Variants in HDX observed in about 807,000 individuals in gnomAD.
HDX encodes highly divergent homeobox.
HDX carries 19 observed loss-of-function variants against 45.2 expected under a neutral mutation model. That is an observed-to-expected ratio of 0.42 (90% CI 0.29 to 0.62). HDX has a LOEUF of 0.62. HDX is among the 20% of genes least tolerant of loss of function. HDX has a pLI of 0.20. For missense variants in HDX, 532 were observed against 493.9 expected (o/e 1.08, Z -0.73); for synonymous variants, 188 against 172.8 (o/e 1.09, Z -0.69).
chrX:84,333,883 A>G, intron 8 of HDX, 41 bp from the exon 9 acceptor site: 1 of 549,449 alleles, frequency 1.8e-6, no homozygotes, highest in Non-Finnish European at 3.1e-6. Flanking sequence ...ATATCACATC[A>G]TTCTTACTAC....
At chrX:84,452,948 A>G (rs1453918828) in intron 4 of HDX, among the ~76,000 whole-genome samples, 3 of 112,338 alleles carry the variant, frequency 2.7e-5, no homozygotes, top group African/African-American at 9.7e-5. Context: ...AGAAAAGGCA[A>G]CAAAAACAAA....
At chrX:84,469,646 G>A in intron 3 of HDX, 71 bp from the exon 4 acceptor site, 1 of 863,425 alleles carries the variant, frequency 1.2e-6, no homozygotes, top group Non-Finnish European at 1.6e-6. Context: ...ATTTTACGTG[G>A]TACATTATAT....
chrX:84,441,631 G>T (rs2039763236), intron 4 of HDX, among the ~76,000 whole-genome samples: 1 of 111,607 alleles, frequency 9.0e-6, no homozygotes, highest in Admixed American at 9.5e-5. Context: ...AAATGTGTTT[G>T]ATAAAATTTG....
In HDX at chrX:84,482,571, A is replaced by C. The variant is rs143077038; in HGVS notation, c.-1+5453T>G. 4.5e-5 allele frequency among the ~76,000 whole-genome samples: 5 copies of C among 111,726 alleles called. No homozygotes were observed. The East Asian group carries it at 1.4e-3, about 32-fold the overall frequency. On this transcript the variant is annotated intron_variant, in intron 2 of 10. Coordinates refer to ENST00000373177, the MANE Select transcript of HDX (RefSeq NM_001177479.2). The stretch of plus-strand genomic sequence containing the variant: ...TCATAAGAATAGCATGGGAGAAACT[A>C]GCCCCATGAGTCAATTATTTCCCAC...
intron 3 of HDX, among the ~76,000 whole-genome samples, chrX:84,474,185 G>A (rs994005059): frequency 9.0e-6 from 1 of 111,620 alleles, no homozygotes; most frequent in Non-Finnish European, 1.9e-5. Context: ...CCAGCTACTC[G>A]GGAGGCTGAG....
chrX:84,440,399 G>A (rs2039734364), intron 5 of HDX, 133 bp downstream of exon 5: 2 of 465,798 alleles, frequency 4.3e-6, no homozygotes, highest in South Asian at 6.1e-5. Flanking sequence ...CTTGAAAAAT[G>A]TCCTTTGAGA....
intron 5 of HDX, among the ~76,000 whole-genome samples, chrX:84,410,036 G>A (rs1402864903): frequency 3.5e-5 from 3 of 84,776 alleles, no homozygotes; most frequent in Non-Finnish European, 2.2e-5. Context: ...CTGGGTGACA[G>A]AGCAAGACTC....
At chrX:84,443,481 C>T (rs1319371025) in intron 4 of HDX, among the ~76,000 whole-genome samples, 1 of 111,515 alleles carries the variant, frequency 9.0e-6, no homozygotes, top group Non-Finnish European at 1.9e-5. Flanking sequence ...GAGTGCTGTA[C>T]ATTTCCAAGT....
chrX:84,402,160 T>C (rs1252674893), intron 5 of HDX, among the ~76,000 whole-genome samples: 1 of 111,533 alleles, frequency 9.0e-6, no homozygotes, highest in Non-Finnish European at 1.9e-5. Flanking sequence ...TGTATACCTA[T>C]GTAACAAACC....
chrX:84,452,303 C>T (rs773151796), intron 4 of HDX, among the ~76,000 whole-genome samples: 57 of 110,667 alleles, frequency 5.2e-4, no homozygotes, highest in African/African-American at 1.7e-3. Context: ...CAGATAAATT[C>T]AGTAAAATTG....
intron 5 of HDX, among the ~76,000 whole-genome samples, chrX:84,410,301 G>A (rs914572945): frequency 6.3e-5 from 7 of 110,765 alleles, no homozygotes; most frequent in African/African-American, 1.3e-4. Context: ...GTTACAGATG[G>A]CTCCTATTAT....
chrX:84,486,933 C>CA (rs1312532320), intron 2 of HDX, among the ~76,000 whole-genome samples: 1 of 111,191 alleles, frequency 9.0e-6, no homozygotes, highest in East Asian at 2.8e-4. Flanking sequence ...TTTTCTACAC[C>CA]AATCTCTCTC....
intron 5 of HDX, among the ~76,000 whole-genome samples, chrX:84,407,600 G>T (rs969169964): frequency 9.0e-6 from 1 of 111,410 alleles, no homozygotes; most frequent in Non-Finnish European, 1.9e-5. Context: ...TGAGTAGAAT[G>T]GTAGTTCTCT....
chrX:84,476,566 G>A (rs1249664513), intron 2 of HDX, among the ~76,000 whole-genome samples: 8 of 91,714 alleles, frequency 8.7e-5, no homozygotes, highest in Admixed American at 3.6e-4. Flanking sequence ...AAAAAAAAGA[G>A]GAAAGAAAAG....
chrX:84,408,499 G>GTTTTGTT (rs2038888734), intron 5 of HDX, among the ~76,000 whole-genome samples: 1 of 44,444 alleles, frequency 2.3e-5, no homozygotes, highest in East Asian at 8.2e-4. Flanking sequence ...CTCCAGCTTT[G>GTTTTGTT]TTTTTTTTTT....
chrX:84,468,500 C>A lies in HDX; in HGVS notation c.1223G>T (p.Arg408Ile), dbSNP rs763221614. The A allele has an allele frequency of 5.2e-6, 6 of 1,161,785 alleles. No homozygotes were observed. In the East Asian group the frequency reaches 1.8e-4, roughly 35 times the overall value. The change falls in exon 4 of 11, where the codon AGA becomes ATA. Residue 408 changes from arginine (R) to isoleucine (I), a missense_variant. Transcript: ENST00000373177. Reference protein sequence around the residue: ...SPHFASSNQLRLSQNQNNYQI... With the variant: ...SPHFASSNQLILSQNQNNYQI... ...GTAATTGTTTTGGTTTTGTGATAAT[C>A]TCAATTGGTTTGATGATGCAAAATG...
Position 84,333,754 on chromosome X carries a change from C to T in HDX, c.1824+5G>A. ...TTAATAAATTCATAATTTAAAATTA[C>T]CTACCTTATAATCCAAGAAAGAGTT... is the stretch of plus-strand genomic sequence containing the variant. On this transcript the variant is annotated splice_donor_5th_base_variant and intron_variant, in intron 9 of 10. Transcript: ENST00000373177. 1 of 816,748 alleles carries T rather than the reference C, an allele frequency of 1.2e-6. No homozygotes were observed. The allele number at this position is 816,748 out of a possible 1,213,427, so 67.3% of individuals were successfully genotyped here. A position where few individuals can be genotyped will look rare whatever the true frequency, so the allele number is the denominator to read the frequency against.
chrX:84,352,166 T>A (rs1381399307), intron 6 of HDX, among the ~76,000 whole-genome samples: 1 of 112,396 alleles, frequency 8.9e-6, no homozygotes, highest in Non-Finnish European at 1.9e-5. Flanking sequence ...TTATACTTGG[T>A]TAGATTTCAA....
Position 84,336,886 on chromosome X carries a change from GA to G in HDX, c.1661-7del. On this transcript the variant is annotated splice_region_variant and splice_polypyrimidine_tract_variant and intron_variant, in intron 7 of 10. Coordinates refer to ENST00000373177, the MANE Select transcript of HDX (RefSeq NM_001177479.2). Reference sequence around the variant, plus strand: ...AACAACTTCATTGGGCTCTTCTACAGAAAAAAATGCCATAATTTCATTTTCA... The same window carrying G: ...AACAACTTCATTGGGCTCTTCTACAGAAAAAATGCCATAATTTCATTTTCA... 3.6e-6 allele frequency: 4 copies of G among 1,126,435 alleles called. No individual in the cohort carries two copies. The highest frequency in any genetic ancestry group is 2.5e-5 in the Admixed American group (1 of 40,697). 92.8% of individuals were successfully genotyped at this position (1,126,435 alleles called of 1,213,427 possible).
Sources: allele counts gnomAD v4.1 joint callset (sites outside exome capture counted in the v4.1 genomes callset), GRCh38; gene constraint gnomAD v4.1.1; transcripts MANE v1.5; gene names NCBI Gene and HGNC (gene_info 2026-07-23, HGNC 2026-07-21).